The following FRY variants were observed in gnomAD, a reference collection of about 807,000 sequenced individuals.
FRY encodes protein furry homolog.
In FRY, 128 loss-of-function variants were observed where a neutral mutation model predicts 348.4. The observed-to-expected ratio is 0.37, with a 90% CI of 0.32 to 0.43. The LOEUF is 0.43. Among genes scored for constraint, FRY ranks in the 20% least tolerant of loss-of-function variants. The probability of loss-of-function intolerance (pLI) is 1.00; values close to 1 mark genes in which losing one functional copy is unlikely to be tolerated. For synonymous variants in FRY, 1,370 were observed against 1,374.7 expected (o/e 1.00, Z 0.08); for missense variants, 2,736 against 3,695.2 (o/e 0.74, Z 6.73).
chr13:32,066,933 T>C (rs1468853539), intron 1 of FRY, among the ~76,000 whole-genome samples: 6 of 152,264 alleles, frequency 3.9e-5, no homozygotes, highest in Admixed American at 3.9e-4. Flanking sequence ...TACTGTATTA[T>C]AGAATTGGTT....
At chr13:32,218,623 G>T in intron 35 of FRY, 126 bp from the exon 36 acceptor site, 1 of 635,886 alleles carries the variant, frequency 1.6e-6, no homozygotes, top group Non-Finnish European at 2.8e-6. Context: ...AGATTGCAGT[G>T]AGCCAAGATC....
chr13:32,247,319 G>A lies in FRY; in HGVS notation c.6829-4G>A, dbSNP rs1886862409. On this transcript the variant is annotated splice_polypyrimidine_tract_variant and splice_region_variant and intron_variant, in intron 47 of 60. Coordinates refer to ENST00000542859, the MANE Select transcript of FRY (RefSeq NM_023037.3). ...TTAACCCTTGAATGTTTTATTTCCT[G>A]CAGAGTGTTCACTGGAGAGAAGCTC... is the stretch of plus-strand genomic sequence containing the variant. The A allele has an allele frequency of 6.2e-7, 1 of 1,609,614 alleles. No individual in the cohort carries two copies. Among genetic ancestry groups the A allele is most frequent in the Non-Finnish European group, 8.5e-7 (1 of 1,176,010 alleles).
rs116575599 is a variant in FRY, at chr13:32,207,223, C to T, written c.4019-1630C>T. On this transcript the variant is annotated intron_variant, in intron 31 of 60. Transcript: ENST00000542859. ...AAAAGATAGGTCTTTTGAATAACTG[C>T]TCTCTCTTTTATTTGTTTTTGGGAT... Among the ~76,000 whole-genome samples the T allele has an allele frequency of 9.1e-3, 1,381 of 152,094 alleles. 22 individuals carry two copies. The highest frequency in any genetic ancestry group is 0.032 in the African/African-American group (1,329 of 41,516).
At chr13:32,180,838 A>G (rs1405962365) in intron 23 of FRY, among the ~76,000 whole-genome samples, 4 of 152,170 alleles carry the variant, frequency 2.6e-5, no homozygotes, top group Admixed American at 2.6e-4. Flanking sequence ...GATGTTTTAG[A>G]GGCTATTGAA....
rs1474886764 is a variant in FRY at position 32,117,334 on chromosome 13, G to GTCA, written c.329_331dup (p.Ile110dup). On this transcript the variant is annotated inframe_insertion and splice_region_variant, in exon 4 of 61. Coordinates refer to ENST00000542859, the MANE Select transcript of FRY (RefSeq NM_023037.3). Reference sequence around the variant, plus strand: ...TAATCACCTGCATTTTCCTCCATAGGTCATCAGCTCAATGAGCTCCCTTTC... The same window carrying GTCA: ...TAATCACCTGCATTTTCCTCCATAGGTCATCATCAGCTCAATGAGCTCCCTTTC... 1.2e-6 allele frequency: 2 copies of GTCA among 1,613,756 alleles called. No homozygotes were observed. The highest frequency in any genetic ancestry group is 1.7e-6 in the Non-Finnish European group (2 of 1,179,776).
intron 31 of FRY, among the ~76,000 whole-genome samples, chr13:32,207,428 C>T (rs1884420971): frequency 6.6e-6 from 1 of 152,154 alleles, no homozygotes; most frequent in Non-Finnish European, 1.5e-5. Flanking sequence ...AGTGATTTGT[C>T]AACATAATTT....
At chr13:32,284,613 A>G (rs895580279) in intron 58 of FRY, among the ~76,000 whole-genome samples, 9 of 152,228 alleles carry the variant, frequency 5.9e-5, no homozygotes, top group Admixed American at 5.2e-4. Flanking sequence ...AGGTCCAAAA[A>G]ACTACTTAAC....
chr13:32,201,800 CAA>C lies in FRY; in HGVS notation c.3747-136_3747-135del, dbSNP rs1472811521. 12 of 653,852 alleles carry C rather than the reference CAA, an allele frequency of 1.8e-5. 1 individual carries two copies. Among genetic ancestry groups the C allele is most frequent in the East Asian group, 8.2e-5 (3 of 36,634 alleles). The allele number at this position is 653,852 out of a possible 1,614,324, so 40.5% of individuals were successfully genotyped here. On this transcript the variant is annotated intron_variant, in intron 29 of 60. Coordinates refer to ENST00000542859, the MANE Select transcript of FRY (RefSeq NM_023037.3). Reference sequence around the variant, plus strand: ...ACTGATAAATAGCAAAAGAAGGAAGCAAAAAATGGCCAGACGGGGGTAAGAAT... The same window carrying C: ...ACTGATAAATAGCAAAAGAAGGAAGCAAAATGGCCAGACGGGGGTAAGAAT...
chr13:32,228,676 G>A (rs114882802), intron 40 of FRY, 22 bp downstream of exon 40: 148 of 1,605,390 alleles, frequency 9.2e-5, no homozygotes, highest in African/African-American at 2.0e-4. Flanking sequence ...TTAGGAGTCC[G>A]CTGCTGTTTG....
At chr13:32,272,991 G>A (rs1888281874) in intron 55 of FRY, among the ~76,000 whole-genome samples, 1 of 151,616 alleles carries the variant, frequency 6.6e-6, no homozygotes, top group South Asian at 2.1e-4. Flanking sequence ...TGATCCTCCT[G>A]CCTCGGCCTC....
intron 29 of FRY, among the ~76,000 whole-genome samples, chr13:32,195,079 T>G (rs78361250): frequency 0.035 from 5,307 of 152,236 alleles, 107 homozygotes; most frequent in East Asian, 0.087. Context: ...CTCTTAGAGG[T>G]CTAAGTTAGT....
chr13:32,279,080 TCATGAG>T (rs1446716069), intron 58 of FRY, among the ~76,000 whole-genome samples: 2 of 152,186 alleles, frequency 1.3e-5, no homozygotes. Flanking sequence ...GAGGACACAC[TCATGAG>T]CAACAGACAA....
chr13:32,229,790 C>G (rs888708962), intron 40 of FRY, among the ~76,000 whole-genome samples: 6 of 152,198 alleles, frequency 3.9e-5, no homozygotes, highest in African/African-American at 1.4e-4. Context: ...AGCCTTATCT[C>G]TGCAAATGCT....
chr13:32,234,813 A>C, intron 42 of FRY, 52 bp downstream of exon 42: 1 of 1,378,354 alleles, frequency 7.3e-7, no homozygotes, highest in Non-Finnish European at 1.0e-6. Flanking sequence ...TCTCATCTCA[A>C]TGAGGTGTAA....
intron 33 of FRY, among the ~76,000 whole-genome samples, chr13:32,210,387 C>A (rs1884618467): frequency 6.6e-6 from 1 of 152,118 alleles, no homozygotes; most frequent in South Asian, 2.1e-4. Flanking sequence ...GACTATGAGG[C>A]CTGCAATAAT....
intron 2 of FRY, among the ~76,000 whole-genome samples, chr13:32,099,901 T>A (rs1593611616): frequency 6.6e-6 from 1 of 152,146 alleles, no homozygotes; most frequent in East Asian, 1.9e-4. Context: ...GTTTCTGTAG[T>A]AGACTCTTGT....
At chr13:32,263,238 T>G (rs1410152167) in intron 53 of FRY, among the ~76,000 whole-genome samples, 1 of 152,214 alleles carries the variant, frequency 6.6e-6, no homozygotes, top group Non-Finnish European at 1.5e-5. Flanking sequence ...TGGTTATGGT[T>G]GTGCAAGTTC....
At chr13:32,111,149 G>T (rs1189197625) in intron 3 of FRY, among the ~76,000 whole-genome samples, 1 of 152,132 alleles carries the variant, frequency 6.6e-6, no homozygotes, top group African/African-American at 2.4e-5. Flanking sequence ...TCAAATAAAG[G>T]TGCCAATAAT....
intron 1 of FRY, among the ~76,000 whole-genome samples, chr13:32,057,841 T>G (rs1873723378): frequency 6.6e-6 from 1 of 151,986 alleles, no homozygotes; most frequent in Non-Finnish European, 1.5e-5. Context: ...GCACCTGTAG[T>G]CCCAGCTACT....
Sources: gnomAD v4.1 joint callset for allele counts (sites outside exome capture counted in the v4.1 genomes callset) on GRCh38, gnomAD v4.1.1 for gene constraint, MANE v1.5 for transcripts, NCBI Gene and HGNC (gene_info 2026-07-23, HGNC 2026-07-21) for gene names.